CNTNAP2: variants seen among roughly 807,000 people sequenced by gnomAD.
The protein encoded by CNTNAP2 is contactin-associated protein-like 2.
A neutral mutation model predicts 155.2 loss-of-function variants in CNTNAP2; 98 were observed. The observed-to-expected ratio is 0.63, with a 90% CI of 0.54 to 0.75. The LOEUF is 0.75. Ranked by LOEUF, CNTNAP2 falls within the 30% of genes least tolerant of loss-of-function variation. The pLI is 0.00. For synonymous variants in CNTNAP2, 651 were observed against 631.2 expected, an observed-to-expected ratio of 1.03 and a Z score of -0.47; for missense variants, 1,727 against 1,688.1, an observed-to-expected ratio of 1.02 and a Z score of -0.40.
At chr7:147,463,958 T>TAAAAAAAAA (rs34032978) in intron 10 of CNTNAP2, among the ~76,000 whole-genome samples, 2 of 82,974 alleles carry the variant, frequency 2.4e-5, no homozygotes, top group Admixed American at 3.1e-4. Flanking sequence ...GCCCCACTAC[T>TAAAAAAAAA]AAAAAAAAAA....
At chr7:147,411,227 AAAAAT>A (rs777161106) in intron 10 of CNTNAP2, among the ~76,000 whole-genome samples, 63 of 152,228 alleles carry the variant, frequency 4.1e-4, no homozygotes, top group African/African-American at 1.4e-3. Context: ...CCTGTTCATT[AAAAAT>A]AAAATAAGAA....
chr7:147,578,150 A>AT (rs1376229449), intron 12 of CNTNAP2, among the ~76,000 whole-genome samples: 1 of 152,038 alleles, frequency 6.6e-6, no homozygotes, highest in African/African-American at 2.4e-5. Context: ...CTGCATGGTG[A>AT]TTTTTTTAAT....
intron 1 of CNTNAP2, among the ~76,000 whole-genome samples, chr7:146,430,251 T>G (rs1360576632): frequency 6.6e-6 from 1 of 151,804 alleles, no homozygotes; most frequent in African/African-American, 2.4e-5. Flanking sequence ...GAAACACCAG[T>G]GCATGGAGGA....
intron 1 of CNTNAP2, among the ~76,000 whole-genome samples, chr7:146,319,127 T>G (rs1031317014): frequency 3.3e-5 from 5 of 152,248 alleles, no homozygotes; most frequent in African/African-American, 1.2e-4. Context: ...TTCTCCATGA[T>G]AAGATGTGGC....
At chr7:146,684,594 A>G in intron 1 of CNTNAP2, among the ~76,000 whole-genome samples, 1 of 131,388 alleles carries the variant, frequency 7.6e-6, no homozygotes, top group East Asian at 2.4e-4. Context: ...ACCATGACAG[A>G]ATAGAATGTT....
chr7:148,160,446 A>C (rs996894360), intron 17 of CNTNAP2, among the ~76,000 whole-genome samples: 8 of 151,990 alleles, frequency 5.3e-5, no homozygotes, highest in South Asian at 4.1e-4. Context: ...ATAAATGAAC[A>C]AACTACTATG....
At chr7:146,841,328 A>T (rs1054667789) in intron 3 of CNTNAP2, among the ~76,000 whole-genome samples, 1 of 141,766 alleles carries the variant, frequency 7.1e-6, no homozygotes, top group Non-Finnish European at 1.5e-5. Context: ...TGCCCTTAAA[A>T]TTTGGCAGAG....
chr7:147,041,505 G>T lies in CNTNAP2; in HGVS notation c.403-2402G>T, dbSNP rs150626395. On this transcript the variant is annotated intron_variant, in intron 3 of 23. Transcript: ENST00000361727. The stretch of plus-strand genomic sequence containing the variant: ...CCAACCTATTCTTCAATATATCCTA[G>T]CCCCTTTCTCTCTTGTCTTTCAAAC... Among the ~76,000 whole-genome samples the T allele has an allele frequency of 3.7e-3, 566 of 152,080 alleles. 9 individuals carry two copies. Among genetic ancestry groups the T allele is most frequent in the Middle Eastern group, 0.014 (4 of 294 alleles).
chr7:147,611,530 AC>A lies in CNTNAP2; in HGVS notation c.1898-27575del, dbSNP rs1323751524. On this transcript the variant is annotated intron_variant, in intron 12 of 23. Coordinates refer to ENST00000361727, the MANE Select transcript of CNTNAP2 (RefSeq NM_014141.6). Reference sequence around the variant, plus strand: ...CCTAGAAAATGGCTAATGCTTTCCTACAAAAAAAGACACATATGAGCTCCAA... The same window carrying A: ...CCTAGAAAATGGCTAATGCTTTCCTAAAAAAAAGACACATATGAGCTCCAA... 2.6e-5 allele frequency among the ~76,000 whole-genome samples: 4 copies of A among 152,326 alleles called. No individual in the cohort carries two copies. In the East Asian group the frequency reaches 7.7e-4, roughly 29 times the overall value.
At chr7:146,710,052 G>T (rs2129174887) in intron 1 of CNTNAP2, among the ~76,000 whole-genome samples, 1 of 152,306 alleles carries the variant, frequency 6.6e-6, no homozygotes, top group East Asian at 1.9e-4. Flanking sequence ...GAAAAGGGCT[G>T]TCAGGCCAAG....
chr7:147,084,904 G>A (rs1800239512), intron 4 of CNTNAP2, among the ~76,000 whole-genome samples: 1 of 150,912 alleles, frequency 6.6e-6, no homozygotes, highest in Non-Finnish European at 1.5e-5. Flanking sequence ...TTGTGAGCTA[G>A]TCAAACTTTA....
At chr7:147,298,241 A>G (rs577546335) in intron 8 of CNTNAP2, among the ~76,000 whole-genome samples, 2 of 152,086 alleles carry the variant, frequency 1.3e-5, no homozygotes, top group Admixed American at 1.3e-4. Flanking sequence ...CCAGCCTGAC[A>G]TGGTGAAACC....
At chr7:147,254,509 G>T (rs572577384) in intron 8 of CNTNAP2, among the ~76,000 whole-genome samples, 2 of 151,826 alleles carry the variant, frequency 1.3e-5, no homozygotes, top group African/African-American at 2.4e-5. Flanking sequence ...AAACTTTTTT[G>T]GTTGATTTTT....
Position 146,314,265 on chromosome 7 carries a change from A to G in CNTNAP2, c.97+197292A>G, listed in dbSNP as rs1365949922. On this transcript the variant is annotated intron_variant, in intron 1 of 23. Coordinates refer to ENST00000361727, the MANE Select transcript of CNTNAP2 (RefSeq NM_014141.6). ...CCAGTCAGAGATTCTAAGTGCCTCT[A>G]AGTTTTGTGTTTGTCCAGCCTGCTG... 7.9e-5 allele frequency among the ~76,000 whole-genome samples: 12 copies of G among 152,202 alleles called. No individual in the cohort carries two copies. The South Asian group carries it at 1.0e-3, about 13-fold the overall frequency.
intron 3 of CNTNAP2, among the ~76,000 whole-genome samples, chr7:146,929,911 C>A (rs1238853053): frequency 6.6e-6 from 1 of 152,108 alleles, no homozygotes; most frequent in Admixed American, 6.6e-5. Flanking sequence ...AAGAAACGAA[C>A]AAAGCCTCCA....
intron 1 of CNTNAP2, 94 bp from the exon 2 acceptor site, chr7:146,774,177 T>A (rs1802346274): frequency 2.4e-6 from 2 of 845,302 alleles, no homozygotes; most frequent in Non-Finnish European, 3.9e-6. Flanking sequence ...ATAAAAGACA[T>A]ATCAGATTCA....
chr7:147,839,750 G>A (rs1333879074), intron 13 of CNTNAP2, among the ~76,000 whole-genome samples: 1 of 152,068 alleles, frequency 6.6e-6, no homozygotes, highest in Non-Finnish European at 1.5e-5. Context: ...CGTCTACTCA[G>A]AATAAAAGAA....
intron 10 of CNTNAP2, among the ~76,000 whole-genome samples, chr7:147,447,568 C>T (rs1484293129): frequency 6.6e-6 from 1 of 152,020 alleles, no homozygotes; most frequent in African/African-American, 2.4e-5. Context: ...AGGCGCGCGC[C>T]ACCAAGCCCA....
chr7:146,596,887 C>A (rs901926034), intron 1 of CNTNAP2, among the ~76,000 whole-genome samples: 1 of 151,902 alleles, frequency 6.6e-6, no homozygotes, highest in Admixed American at 6.6e-5. Context: ...CAAAGAAAGC[C>A]CTTGGCACTG....
Sources: allele counts gnomAD v4.1 joint callset (sites outside exome capture counted in the v4.1 genomes callset), GRCh38; gene constraint gnomAD v4.1.1; transcripts MANE v1.5; gene names NCBI Gene and HGNC (gene_info 2026-07-23, HGNC 2026-07-21).